The following MRE11 variants were observed in gnomAD, a reference collection of about 807,000 sequenced individuals.
MRE11 encodes double-strand break repair protein MRE11.
Under a neutral mutation model 91.7 loss-of-function variants are expected in MRE11, and 62 were observed. The ratio of observed to expected loss-of-function variants is 0.68; its 90% CI spans 0.55 to 0.84. The LOEUF is 0.84. MRE11 is among the 40% of genes least tolerant of loss of function. MRE11 has a pLI of 0.00. For synonymous variants in MRE11, 273 were observed against 271.4 expected (o/e 1.01, Z -0.06); for missense variants, 796 against 852.9 (o/e 0.93, Z 0.83).
Position 94,443,440 on chromosome 11 carries a change from G to C in MRE11, c.1867+2370C>G, listed in dbSNP as rs139249959. ...TACCTACCCCACAGACCTGTTAAGA[G>C]GCATGCAGTTTCATAAATATTAGCT... On this transcript the variant is annotated intron_variant, in intron 16 of 19. Coordinates refer to ENST00000323929, the MANE Select transcript of MRE11 (RefSeq NM_005591.4). 2.3e-4 allele frequency among the ~76,000 whole-genome samples: 35 copies of C among 152,272 alleles called. No individual in the cohort carries two copies. In the East Asian group the frequency reaches 6.6e-3, roughly 29 times the overall value.
chr11:94,462,365 A>G (rs1946442676), intron 11 of MRE11, among the ~76,000 whole-genome samples: 1 of 152,216 alleles, frequency 6.6e-6, no homozygotes, highest in African/African-American at 2.4e-5. Flanking sequence ...AAGGTAATTT[A>G]TAGATTCAAT....
rs768078020 is a variant in MRE11 at position 94,460,942 on chromosome 11, T to C, written c.1320A>G (p.Ala440=). ...GTGAACTGTAAGAAATTACCTTCTC[T>C]GCGGTTTGAAAGTACTGTTTTACAA... ...EDLVKQYFQT[A]EKNVQLSLLT... is the part of the protein sequence containing the mutation. Residue 440 remains alanine, a synonymous_variant, in exon 12 of 20, where the codon GCA becomes GCG. Coordinates refer to ENST00000323929, the MANE Select transcript of MRE11 (RefSeq NM_005591.4). 1 of 1,612,706 alleles carries C rather than the reference T, an allele frequency of 6.2e-7. No homozygotes were observed. Among genetic ancestry groups the C allele is most frequent in the Non-Finnish European group, 8.5e-7 (1 of 1,178,980 alleles).
intron 1 of MRE11, 120 bp downstream of exon 1, chr11:94,493,671 A>G (rs1445605854): frequency 6.6e-6 from 1 of 152,260 alleles, no homozygotes; most frequent in African/African-American, 2.4e-5. Context: ...GACGAATGCG[A>G]TTCCTAAATT....
intron 18 of MRE11, among the ~76,000 whole-genome samples, chr11:94,432,762 C>T (rs1487219183): frequency 1.3e-5 from 2 of 152,144 alleles, no homozygotes; most frequent in African/African-American, 2.4e-5. Context: ...GCCGAGATCG[C>T]GCCACTGCAC....
At chr11:94,437,099 TG>T in intron 17 of MRE11, 77 bp downstream of exon 17, 1 of 1,271,804 alleles carries the variant, frequency 7.9e-7, no homozygotes, top group Non-Finnish European at 1.1e-6. Flanking sequence ...TTATTTACTT[TG>T]TAAATCAGAG....
the MRE11 span, among the ~76,000 whole-genome samples, chr11:94,501,703 T>G: frequency 1.3e-5 from 2 of 151,812 alleles, no homozygotes; most frequent in Admixed American, 1.3e-4. Flanking sequence ...AGCATTAAAC[T>G]CTGAGTGAGA....
At position 94,419,730 on chromosome 11, in the gene MRE11, T is replaced by A; in HGVS notation, c.*395A>T. 4.1e-6 allele frequency: 1 copy of A among 244,720 alleles called. No homozygotes were observed. The highest frequency in any genetic ancestry group is 8.0e-6 in the Non-Finnish European group (1 of 125,174). 15.2% of individuals were successfully genotyped at this position (244,720 alleles called of 1,614,324 possible). ...ACAAACAGTGAATTTAGACATAGGT[T>A]CGCATAAATTGTTTTACTTTCAGAA... On this transcript the variant is annotated 3_prime_UTR_variant, in exon 20 of 20. Coordinates refer to ENST00000323929, the MANE Select transcript of MRE11 (RefSeq NM_005591.4).
At chr11:94,482,892 C>G (rs1298388874) in intron 4 of MRE11, among the ~76,000 whole-genome samples, 1 of 152,064 alleles carries the variant, frequency 6.6e-6, no homozygotes. Context: ...GAGCCAAGAT[C>G]GTGCCTCTGC....
rs776912688 is a variant in MRE11, at chr11:94,471,613, G to C, written c.806C>G (p.Ser269Ter). 6.2e-7 allele frequency: 1 copy of C among 1,612,646 alleles called. No homozygotes were observed. The highest frequency in any genetic ancestry group is 8.5e-7 in the Non-Finnish European group (1 of 1,179,062). ...QLFYISQPGS[S>*]VVTSLSPGEA... ...TCCTGGGGAAAGAGAAGTAACCACTGAGCTTCCAGGTTGTGAGATATAAAA... is the reference window on the plus strand; with the variant it reads ...TCCTGGGGAAAGAGAAGTAACCACTCAGCTTCCAGGTTGTGAGATATAAAA... Residue 269 changes from serine (S) to a stop codon, truncating the protein, a stop_gained, in exon 8 of 20, where the codon TCA becomes TGA. Coordinates refer to ENST00000323929, the MANE Select transcript of MRE11 (RefSeq NM_005591.4). LOFTEE classifies it high-confidence loss of function.
chr11:94,429,882 A>C, intron 19 of MRE11, 29 bp downstream of exon 19: 11 of 1,554,796 alleles, frequency 7.1e-6, no homozygotes, highest in Non-Finnish European at 9.6e-6. Context: ...TTAAAAATTA[A>C]TTAAAATTTA....
At chr11:94,449,300 T>G (rs577277622) in intron 14 of MRE11, among the ~76,000 whole-genome samples, 30 of 152,260 alleles carry the variant, frequency 2.0e-4, no homozygotes, top group Non-Finnish European at 3.8e-4. Context: ...AAGAAAACAC[T>G]TCAGGAAATA....
Position 94,460,954 on chromosome 11 carries a change from G to A in MRE11, c.1308C>T (p.Tyr436=), listed in dbSNP as rs759680878. ...AAATTACCTTCTCTGCGGTTTGAAAGTACTGTTTTACAAGATCTTCTACCC... is the reference window on the plus strand; with the variant it reads ...AAATTACCTTCTCTGCGGTTTGAAAATACTGTTTTACAAGATCTTCTACCC... The part of the protein sequence containing the change: ...TLRVEDLVKQ[Y]FQTAEKNVQL... The change falls in exon 12 of 20, where the codon TAC becomes TAT. Residue 436 remains tyrosine (Y), a synonymous_variant. Coordinates refer to ENST00000323929, the MANE Select transcript of MRE11 (RefSeq NM_005591.4). The A allele has an allele frequency of 6.2e-7, 1 of 1,613,610 alleles. No individual in the cohort carries two copies. The highest frequency in any genetic ancestry group is 8.5e-7 in the Non-Finnish European group (1 of 1,179,794).
chr11:94,421,439 G>A (rs1945170136), intron 19 of MRE11, among the ~76,000 whole-genome samples: 1 of 152,172 alleles, frequency 6.6e-6, no homozygotes, highest in Admixed American at 6.5e-5. Context: ...AAATAAACCA[G>A]AGACAAATCC....
the MRE11 span, among the ~76,000 whole-genome samples, chr11:94,509,382 T>TG: frequency 8.5e-5 from 13 of 152,200 alleles, no homozygotes; most frequent in African/African-American, 3.1e-4. Context: ...CTATTGACCA[T>TG]GTGTCCACTG....
At chr11:94,434,468 T>A (rs1476844897) in intron 18 of MRE11, among the ~76,000 whole-genome samples, 1 of 152,176 alleles carries the variant, frequency 6.6e-6, no homozygotes, top group African/African-American at 2.4e-5. Flanking sequence ...ACATCTAAGT[T>A]ACTTAATTCT....
chr11:94,469,818 G>T (rs903488099), intron 9 of MRE11, among the ~76,000 whole-genome samples: 13 of 152,100 alleles, frequency 8.5e-5, no homozygotes, highest in Admixed American at 5.9e-4. Context: ...GATTTTTCAT[G>T]AAAAGAAAAC....
the MRE11 span, among the ~76,000 whole-genome samples, chr11:94,501,970 T>C: frequency 1.3e-5 from 2 of 152,334 alleles, no homozygotes; most frequent in East Asian, 3.9e-4. Flanking sequence ...CCTCCAGTCA[T>C]CTTTTATGAA....
chr11:94,416,950 T>C lies in MRE11; in HGVS notation c.*3175A>G, dbSNP rs1321477862. On this transcript the variant is annotated 3_prime_UTR_variant, in exon 20 of 20. Coordinates refer to ENST00000323929, the MANE Select transcript of MRE11 (RefSeq NM_005591.4). ...GGGAAAGTCGCTTTTAAATTCTATA[T>C]TTCCAAAAAAGATATTTTACATTTA... is the stretch of plus-strand genomic sequence containing the variant. 6.6e-6 allele frequency: 1 copy of C among 152,092 alleles called. No homozygotes were observed. Among genetic ancestry groups the C allele is most frequent in the Non-Finnish European group, 1.5e-5 (1 of 68,034 alleles). 9.4% of individuals were successfully genotyped at this position (152,092 alleles called of 1,614,324 possible).
chr11:94,424,198 C>T lies in MRE11; in HGVS notation c.2071-4017G>A, dbSNP rs141583431. On this transcript the variant is annotated intron_variant, in intron 19 of 19. Coordinates refer to ENST00000323929, the MANE Select transcript of MRE11 (RefSeq NM_005591.4). ...TGAGTAAGAGCCTATCCACTGGACACTAATGTTAAATGCCAGCTACTGGAT... is the reference window on the plus strand; with the variant it reads ...TGAGTAAGAGCCTATCCACTGGACATTAATGTTAAATGCCAGCTACTGGAT... 2.3e-3 allele frequency among the ~76,000 whole-genome samples: 343 copies of T among 152,292 alleles called. 2 individuals are homozygous for T. Among genetic ancestry groups the T allele is most frequent in the African/African-American group, 7.8e-3 (324 of 41,552 alleles).
Sources: gnomAD v4.1 joint callset for allele counts (sites outside exome capture counted in the v4.1 genomes callset) on GRCh38, gnomAD v4.1.1 for gene constraint, MANE v1.5 for transcripts, NCBI Gene and HGNC (gene_info 2026-07-23, HGNC 2026-07-21) for gene names.